The following MICAL2 variants were observed in gnomAD, a reference collection of about 807,000 sequenced individuals.
MICAL2 encodes [F-actin]-monooxygenase MICAL2.
A neutral mutation model predicts 127.3 loss-of-function variants in MICAL2; 77 were observed. That is an observed-to-expected ratio of 0.60 (90% CI 0.50 to 0.73). The LOEUF (loss-of-function observed/expected upper bound fraction) is 0.73, where lower values mean the gene tolerates loss of function less well. Among genes scored for constraint, MICAL2 ranks in the 30% least tolerant of loss-of-function variants. MICAL2 has a pLI of 0.00. For synonymous variants in MICAL2, 570 were observed against 551.1 expected (o/e 1.03, Z -0.48); for missense variants, 1,351 against 1,434.4 (o/e 0.94, Z 0.94).
At chr11:12,162,045 C>A (rs1317065794) in intron 2 of MICAL2, 34 bp from the exon 3 acceptor site, 1 of 1,499,568 alleles carries the variant, frequency 6.7e-7, no homozygotes, top group African/African-American at 1.4e-5. Flanking sequence ...CCTCATCGTC[C>A]AAAGCTGACC....
intron 3 of MICAL2, among the ~76,000 whole-genome samples, chr11:12,179,097 C>A (rs1857154050): frequency 6.6e-6 from 1 of 152,122 alleles, no homozygotes; most frequent in African/African-American, 2.4e-5. Flanking sequence ...ATTGTGACTG[C>A]CCAAATTCAA....
At chr11:12,222,498 G>T (rs532849254) in intron 10 of MICAL2, 119 bp from the exon 11 acceptor site, 1 of 1,353,668 alleles carries the variant, frequency 7.4e-7, no homozygotes, top group South Asian at 1.3e-5. Context: ...TCAGGGAAGG[G>T]TTAGACAAAC....
intron 3 of MICAL2, among the ~76,000 whole-genome samples, chr11:12,190,249 A>G (rs1858919111): frequency 6.6e-6 from 1 of 152,142 alleles, no homozygotes; most frequent in African/African-American, 2.4e-5. Context: ...CTCTGGTGGG[A>G]AAGATTTTCT....
exon 35 of MICAL2, chr11:12,358,380 C>T (rs753147411): frequency 1.4e-5 from 22 of 1,613,994 alleles, no homozygotes; most frequent in African/African-American, 2.7e-5. Flanking sequence ...GGGACAAACT[C>T]GTCGATTCCT....
chr11:12,216,766 G>A lies in MICAL2; in HGVS notation c.948+447G>A, dbSNP rs116606766. The stretch of plus-strand genomic sequence containing the variant: ...TCATGCAGTCAAAAAGACTCGATCT[G>A]CATCTTGACTCTGCCACATACCTCC... On this transcript the variant is annotated intron_variant, in intron 8 of 27. Coordinates refer to ENST00000683283, the MANE Select transcript of MICAL2 (RefSeq NM_001282663.2). Among the ~76,000 whole-genome samples the A allele has an allele frequency of 6.3e-3, 967 of 152,308 alleles. 11 individuals are homozygous for A. Among genetic ancestry groups the A allele is most frequent in the African/African-American group, 0.022 (903 of 41,564 alleles).
At chr11:12,327,547 C>G (rs1864368761) in intron 32 of MICAL2, among the ~76,000 whole-genome samples, 1 of 152,260 alleles carries the variant, frequency 6.6e-6, no homozygotes, top group African/African-American at 2.4e-5. Context: ...AGCCCCACCT[C>G]TCCACTGGCT....
chr11:12,132,266 G>A (rs1366401824), intron 1 of MICAL2, among the ~76,000 whole-genome samples: 1 of 152,166 alleles, frequency 6.6e-6, no homozygotes, highest in Non-Finnish European at 1.5e-5. Context: ...TTTGCAGCAG[G>A]AGTGCAGGAA....
intron 32 of MICAL2, among the ~76,000 whole-genome samples, chr11:12,328,247 T>A (rs1476677369): frequency 6.6e-6 from 1 of 152,124 alleles, no homozygotes; most frequent in Non-Finnish European, 1.5e-5. Flanking sequence ...TTATAGTCCA[T>A]TGAGAGGCAC....
At position 12,259,780 on chromosome 11, in the gene MICAL2, C is replaced by G. The variant is rs752145366; in HGVS notation, c.3232-15C>G. 4 of 1,527,088 alleles carry G rather than the reference C, an allele frequency of 2.6e-6. No homozygotes were observed. The highest frequency in any genetic ancestry group is 1.4e-5 in the African/African-American group (1 of 72,082). The allele number at this position is 1,527,088 out of a possible 1,614,324, so 94.6% of individuals were successfully genotyped here. On this transcript the variant is annotated splice_polypyrimidine_tract_variant and intron_variant, in intron 25 of 27. Coordinates refer to ENST00000683283, the MANE Select transcript of MICAL2 (RefSeq NM_001282663.2). ...GACTTACAGACAAATGCCCTCATTT[C>G]CATCTCTTTCTCAGGAGGAGGCAAC...
intron 29 of MICAL2, among the ~76,000 whole-genome samples, chr11:12,316,462 AGTTT>A (rs1590734782): frequency 1.3e-5 from 2 of 149,424 alleles, no homozygotes; most frequent in East Asian, 3.9e-4. Flanking sequence ...TTTTTCAGAT[AGTTT>A]GTTGTTCATG....
At chr11:12,216,346 C>T (rs201533460) in intron 8 of MICAL2, 27 bp downstream of exon 8, 47 of 1,550,892 alleles carry the variant, frequency 3.0e-5, no homozygotes, top group Non-Finnish European at 3.5e-5. Flanking sequence ...TGCGATTTCC[C>T]GACTTCGCGA....
At chr11:12,164,960 C>T (rs11022213) in intron 3 of MICAL2, among the ~76,000 whole-genome samples, 31 of 151,868 alleles carry the variant, frequency 2.0e-4, no homozygotes, top group African/African-American at 7.2e-4. Context: ...CATGGTGAAA[C>T]CCCATCTCTA....
intron 34 of MICAL2, chr11:12,358,227 G>A: frequency 1.4e-6 from 2 of 1,471,430 alleles, no homozygotes; most frequent in Non-Finnish European, 1.9e-6. Context: ...AATCGAGAAT[G>A]TCCATGCCAA....
chr11:12,264,512 C>T (rs1863526509), downstream of MICAL2, among the ~76,000 whole-genome samples: 1 of 152,320 alleles, frequency 6.6e-6, no homozygotes, highest in East Asian at 1.9e-4. Context: ...ATCTGGTCCT[C>T]AGCCTCCCCT....
intron 2 of MICAL2, among the ~76,000 whole-genome samples, chr11:12,144,148 T>C (rs1392592058): frequency 6.6e-6 from 1 of 152,240 alleles, no homozygotes; most frequent in Non-Finnish European, 1.5e-5. Flanking sequence ...CTTGGTCTTG[T>C]ATCAACAGTC....
chr11:12,145,320 G>A (rs964535721), intron 2 of MICAL2, among the ~76,000 whole-genome samples: 1 of 152,178 alleles, frequency 6.6e-6, no homozygotes, highest in Non-Finnish European at 1.5e-5. Flanking sequence ...CATAAACGAA[G>A]TTACCCGATA....
At chr11:12,206,276 G>A (rs528381866) in intron 4 of MICAL2, among the ~76,000 whole-genome samples, 192 of 152,312 alleles carry the variant, frequency 1.3e-3, no homozygotes, top group African/African-American at 4.5e-3. Context: ...TTCCTGGCCA[G>A]GAGCCCTTCT....
chr11:12,221,483 C>T (rs542230208), intron 9 of MICAL2, among the ~76,000 whole-genome samples, 161 bp from the exon 10 acceptor site: 1 of 152,292 alleles, frequency 6.6e-6, no homozygotes, highest in Non-Finnish European at 1.5e-5. Flanking sequence ...GTTATTTGAC[C>T]TTGTGATGAA....
chr11:12,319,960 AAC>A, intron 30 of MICAL2: 1 of 572,686 alleles, frequency 1.7e-6, no homozygotes, highest in Non-Finnish European at 3.1e-6. Flanking sequence ...CTTTACCTTG[AAC>A]ACCCAAAGAA....
Sources: gnomAD v4.1 joint callset for allele counts (sites outside exome capture counted in the v4.1 genomes callset) on GRCh38, gnomAD v4.1.1 for gene constraint, MANE v1.5 for transcripts, NCBI Gene and HGNC (gene_info 2026-07-23, HGNC 2026-07-21) for gene names.